Variants in CPS1 observed in about 807,000 individuals in gnomAD.
CPS1 encodes carbamoyl-phosphate synthase [ammonia], mitochondrial.
A neutral mutation model predicts 174.6 loss-of-function variants in CPS1; 109 were observed. The ratio of observed to expected loss-of-function variants is 0.62; its 90% confidence interval spans 0.53 to 0.73. The LOEUF (loss-of-function observed/expected upper bound fraction) is 0.73, where lower values mean the gene tolerates loss of function less well. Ranked by LOEUF, CPS1 falls within the 30% of genes least tolerant of loss-of-function variation. The pLI is 0.00. For missense variants in CPS1, 1,689 were observed against 1,821.9 expected (o/e 0.93, Z 1.33); for synonymous variants, 637 against 632.0 (o/e 1.01, Z -0.12).
At chr2:210,659,971 A>G (rs1177296735) in intron 31 of CPS1, among the ~76,000 whole-genome samples, 2 of 152,162 alleles carry the variant, frequency 1.3e-5, no homozygotes, top group African/African-American at 2.4e-5. Context: ...ATTATTACAC[A>G]TAGATAGAAC....
chr2:210,549,013 C>T (rs1461355871), intron 1 of CPS1, among the ~76,000 whole-genome samples: 1 of 152,016 alleles, frequency 6.6e-6, no homozygotes, highest in Non-Finnish European at 1.5e-5. Flanking sequence ...TAGGAATGTG[C>T]GTAGGTGACC....
intron 1 of CPS1, among the ~76,000 whole-genome samples, chr2:210,565,398 A>C (rs1359566082): frequency 2.0e-5 from 3 of 152,198 alleles, no homozygotes; most frequent in Non-Finnish European, 4.4e-5. Context: ...CCAGACTAAA[A>C]AATGCCAAAC....
intron 2 of CPS1, 145 bp downstream of exon 2, chr2:210,573,552 A>T: frequency 1.5e-6 from 1 of 684,120 alleles, no homozygotes; most frequent in East Asian, 2.7e-5. Context: ...TGCATAGCCT[A>T]CTGCTGCCGT....
intron 14 of CPS1, 46 bp from the exon 15 acceptor site, chr2:210,600,509 C>G (rs756961153): frequency 9.4e-6 from 15 of 1,599,874 alleles, no homozygotes; most frequent in African/African-American, 1.3e-5. Flanking sequence ...AAAAAAGGCA[C>G]AAAATTCAAG....
chr2:210,608,392 GC>G lies in CPS1; in HGVS notation c.2227del (p.Leu743Ter), dbSNP rs781088670. On this transcript the variant is annotated frameshift_variant, in exon 19 of 38. Coordinates refer to ENST00000233072, the MANE Select transcript of CPS1 (RefSeq NM_001875.5). LOFTEE classifies it high-confidence loss of function. Reference sequence around the variant, plus strand: ...ATTGGCATTCATTGCTGCAAAGATTGCCCTAGGAATCCCACTTCCAGAAATT... The same window carrying G: ...ATTGGCATTCATTGCTGCAAAGATTGCCTAGGAATCCCACTTCCAGAAATT... ...YPLAFIAAKIALGIPLPEIKN... is the reference protein window; with the variant it reads ...YPLAFIAAKIXLGIPLPEIKN... The G allele has an allele frequency of 6.2e-7, 1 of 1,612,092 alleles. No individual in the cohort carries two copies. Among genetic ancestry groups the G allele is most frequent in the Non-Finnish European group, 8.5e-7 (1 of 1,178,810 alleles).
At chr2:210,495,490 C>T (rs757885754) in intron 1 of CPS1, among the ~76,000 whole-genome samples, 4 of 152,112 alleles carry the variant, frequency 2.6e-5, no homozygotes, top group East Asian at 1.9e-4. Context: ...AACAAAATAT[C>T]GGAAGTTTAA....
chr2:210,639,162 G>C lies in CPS1; in HGVS notation c.2842G>C (p.Ala948Pro). Residue 948 changes from alanine to proline, a missense_variant, in exon 23 of 38, where the codon GCT (alanine) becomes CCT (proline). By Grantham distance (27) the Ala-to-Pro change is conservative. Coordinates refer to ENST00000233072, the MANE Select transcript of CPS1 (RefSeq NM_001875.5). ...HPWVKQIDTL[A>P]AEYPSVTNYL... is the part of the protein sequence containing the mutation. The stretch of plus-strand genomic sequence containing the variant: ...TTTTCTCTTACAGATTGATACACTG[G>C]CTGCAGAATACCCATCAGTAACAAA... The C allele has an allele frequency of 1.9e-6, 3 of 1,612,320 alleles. No homozygotes were observed. The highest frequency in any genetic ancestry group is 1.7e-6 in the Non-Finnish European group (2 of 1,178,572).
chr2:210,645,613 C>G (rs928121453), intron 25 of CPS1, among the ~76,000 whole-genome samples: 5 of 152,030 alleles, frequency 3.3e-5, no homozygotes, highest in African/African-American at 1.2e-4. Context: ...TGGACCCCAT[C>G]TCTACTAAAA....
intron 2 of CPS1, among the ~76,000 whole-genome samples, chr2:210,575,516 G>GCA (rs71395588): frequency 0.52 from 75,108 of 145,706 alleles, 19,181 homozygotes; most frequent in Middle Eastern, 0.61. Context: ...ATATGTATAT[G>GCA]CACACACACA....
intron 29 of CPS1, among the ~76,000 whole-genome samples, chr2:210,655,231 G>A (rs116386785): frequency 0.011 from 1,664 of 152,252 alleles, 32 homozygotes; most frequent in African/African-American, 0.037. Context: ...TAAGAGGAAC[G>A]TGATACCTAT....
At chr2:210,528,916 G>A (rs1464897563) in intron 1 of CPS1, among the ~76,000 whole-genome samples, 1 of 148,138 alleles carries the variant, frequency 6.8e-6, no homozygotes, top group Admixed American at 6.9e-5. Flanking sequence ...AATAAAAAAC[G>A]TTAACTTTTA....
At position 210,590,807 on chromosome 2, in the gene CPS1, A is replaced by G; in HGVS notation, c.848A>G (p.Glu283Gly). 1 of 1,610,204 alleles carries G rather than the reference A, an allele frequency of 6.2e-7. No individual in the cohort carries two copies. The highest frequency in any genetic ancestry group is 1.1e-5 in the South Asian group (1 of 91,034). ...AAATTCTCCCTGATTTAGATTTTGG[A>G]GAGTGATCGCAAGGAGCCATTGTTT... ...PLIQNVRKIL[E>G]SDRKEPLFGI... The change falls in exon 9 of 38, where the codon GAG (glutamate) becomes GGG (glycine). Residue 283 changes from glutamate to glycine, a missense_variant. Transcript: ENST00000233072.
intron 17 of CPS1, among the ~76,000 whole-genome samples, chr2:210,605,830 T>A (rs1446063061): frequency 6.6e-6 from 1 of 151,872 alleles, no homozygotes; most frequent in Non-Finnish European, 1.5e-5. Flanking sequence ...GTTGTAGGCA[T>A]AGACAAAGTA....
chr2:210,518,125 G>T (rs1235178425), intron 1 of CPS1, among the ~76,000 whole-genome samples: 1 of 151,932 alleles, frequency 6.6e-6, no homozygotes, highest in Non-Finnish European at 1.5e-5. Context: ...GTGGTCTGTT[G>T]TGTCTTTCCA....
intron 1 of CPS1, among the ~76,000 whole-genome samples, chr2:210,505,692 A>T (rs565840844): frequency 5.4e-4 from 82 of 152,304 alleles, no homozygotes; most frequent in Middle Eastern, 3.4e-3. Flanking sequence ...TCCCACCCTA[A>T]CACTTTGCTT....
upstream of CPS1, among the ~76,000 whole-genome samples, chr2:210,554,413 A>G (rs1696837115): frequency 6.6e-6 from 1 of 151,764 alleles, no homozygotes; most frequent in South Asian, 2.1e-4. Context: ...AGAATTGTTG[A>G]TTGTTGACAT....
At chr2:210,512,120 C>T (rs1057363400) in intron 1 of CPS1, among the ~76,000 whole-genome samples, 9 of 152,132 alleles carry the variant, frequency 5.9e-5, no homozygotes, top group Middle Eastern at 3.4e-3. Flanking sequence ...ATGACAAAAC[C>T]AGCTGCATTG....
intron 16 of CPS1, among the ~76,000 whole-genome samples, chr2:210,603,701 G>C (rs1396831949): frequency 2.0e-5 from 3 of 151,674 alleles, no homozygotes; most frequent in African/African-American, 4.8e-5. Flanking sequence ...GAATGAAATA[G>C]CTTTCAATTA....
At chr2:210,580,257 A>G (rs1430895237) in intron 5 of CPS1, among the ~76,000 whole-genome samples, 1 of 152,142 alleles carries the variant, frequency 6.6e-6, no homozygotes, top group East Asian at 1.9e-4. Context: ...GAATGTGCCA[A>G]ATAAGCCTTG....
Sources: allele counts gnomAD v4.1 joint callset (sites outside exome capture counted in the v4.1 genomes callset), GRCh38; gene constraint gnomAD v4.1.1; transcripts MANE v1.5; gene names NCBI Gene and HGNC (gene_info 2026-07-23, HGNC 2026-07-21).